PRLR: variants seen among roughly 807,000 people sequenced by gnomAD.
PRLR encodes hPRL receptor.
Under a neutral mutation model 40.2 loss-of-function variants are expected in PRLR, and 13 were observed. The observed-to-expected ratio is 0.32, with a 90% CI of 0.21 to 0.51. The LOEUF (loss-of-function observed/expected upper bound fraction) is 0.51. Among genes scored for constraint, PRLR ranks in the 20% least tolerant of loss-of-function variants. The pLI is 0.97. For synonymous variants in PRLR, 269 were observed against 278.7 expected (o/e 0.97, Z 0.35); for missense variants, 656 against 747.3 (o/e 0.88, Z 1.42).
intron 2 of PRLR, among the ~76,000 whole-genome samples, chr5:35,110,901 C>T (rs570606182): frequency 6.6e-6 from 1 of 152,308 alleles, no homozygotes; most frequent in South Asian, 2.1e-4. Context: ...TCCCTGGGTT[C>T]TCCAAAGCTG....
chr5:35,145,341 A>T (rs1339274101), intron 1 of PRLR, among the ~76,000 whole-genome samples: 1 of 152,218 alleles, frequency 6.6e-6, no homozygotes, highest in African/African-American at 2.4e-5. Flanking sequence ...CCATTAGATG[A>T]ATCATTGCAA....
intron 1 of PRLR, among the ~76,000 whole-genome samples, chr5:35,199,798 A>G (rs1378568542): frequency 6.6e-6 from 1 of 152,208 alleles, no homozygotes; most frequent in Non-Finnish European, 1.5e-5. Flanking sequence ...TATCCTCCAT[A>G]GATTCCAAAT....
At chr5:35,153,986 G>A (rs775737771) in intron 1 of PRLR, among the ~76,000 whole-genome samples, 2 of 152,038 alleles carry the variant, frequency 1.3e-5, no homozygotes, top group African/African-American at 2.4e-5. Flanking sequence ...AAAACCAATC[G>A]CACAAAATAG....
chr5:35,146,871 G>A (rs1774196172), intron 1 of PRLR, among the ~76,000 whole-genome samples: 1 of 152,140 alleles, frequency 6.6e-6, no homozygotes, highest in Non-Finnish European at 1.5e-5. Context: ...TTGCAAATGA[G>A]CTGGAGAAGA....
intron 1 of PRLR, among the ~76,000 whole-genome samples, chr5:35,214,915 G>A (rs1776249808): frequency 6.6e-6 from 1 of 152,140 alleles, no homozygotes; most frequent in Non-Finnish European, 1.5e-5. Context: ...AGGTCAATCT[G>A]GAAAATAGTT....
intron 2 of PRLR, among the ~76,000 whole-genome samples, chr5:35,100,789 C>A (rs1771830477): frequency 1.3e-5 from 2 of 152,322 alleles, no homozygotes; most frequent in African/African-American, 4.8e-5. Flanking sequence ...CTATTTCTCT[C>A]TCCTCCATTA....
intron 2 of PRLR, among the ~76,000 whole-genome samples, chr5:35,093,595 C>T (rs1047812242): frequency 6.6e-6 from 1 of 152,208 alleles, no homozygotes; most frequent in Non-Finnish European, 1.5e-5. Flanking sequence ...CCTGCCATCC[C>T]TGTTAGGCAG....
At chr5:35,075,970 G>A (rs1287095692) in intron 5 of PRLR, among the ~76,000 whole-genome samples, 1 of 152,228 alleles carries the variant, frequency 6.6e-6, no homozygotes, top group African/African-American at 2.4e-5. Flanking sequence ...ACCTGCAGCT[G>A]AGGGTCCTGA....
intron 1 of PRLR, among the ~76,000 whole-genome samples, chr5:35,189,516 G>T (rs375132174): frequency 1.3e-5 from 2 of 152,042 alleles, no homozygotes; most frequent in Admixed American, 6.5e-5. Flanking sequence ...GGGAGGCAGA[G>T]GTTGTAGTGA....
intron 2 of PRLR, among the ~76,000 whole-genome samples, chr5:35,104,067 C>T (rs1270204375): frequency 6.6e-6 from 1 of 151,992 alleles, no homozygotes; most frequent in African/African-American, 2.4e-5. Flanking sequence ...CCGTACAGTT[C>T]AAAAGAGGGG....
chr5:35,195,436 C>T (rs895700651), intron 1 of PRLR: 1 of 152,294 alleles, frequency 6.6e-6, no homozygotes, highest in Admixed American at 6.5e-5. Flanking sequence ...ATTTTTACCA[C>T]CACTGATGCC....
At chr5:35,131,935 T>C (rs564189307) in intron 1 of PRLR, among the ~76,000 whole-genome samples, 2 of 152,264 alleles carry the variant, frequency 1.3e-5, no homozygotes, top group East Asian at 1.9e-4. Flanking sequence ...AATAAGGAGA[T>C]ACAGGACAGA....
intron 1 of PRLR, among the ~76,000 whole-genome samples, chr5:35,133,756 T>G (rs1030081003): frequency 6.6e-6 from 1 of 152,114 alleles, no homozygotes; most frequent in Non-Finnish European, 1.5e-5. Context: ...AACAAACAAA[T>G]GAAGAACCTG....
At chr5:35,147,115 A>C (rs1364442377) in intron 1 of PRLR, among the ~76,000 whole-genome samples, 2 of 152,180 alleles carry the variant, frequency 1.3e-5, no homozygotes, top group African/African-American at 2.4e-5. Flanking sequence ...ATTTTGTCCT[A>C]CCATAGGTAA....
intron 1 of PRLR, among the ~76,000 whole-genome samples, chr5:35,164,570 G>A (rs143702464): frequency 1.3e-5 from 2 of 152,284 alleles, no homozygotes; most frequent in African/African-American, 4.8e-5. Context: ...GAGAAATGGA[G>A]TCTGGTATAA....
chr5:35,057,579 A>G lies in PRLR; in HGVS notation c.*7510T>C, dbSNP rs1768794084. On this transcript the variant is annotated 3_prime_UTR_variant, in exon 10 of 10. Coordinates refer to ENST00000618457, the MANE Select transcript of PRLR (RefSeq NM_000949.7). ...TGTTATGATAATAGCAGTTAGTGTT[A>G]TCTCCAATACTATTGACAAAGATTT... 1 of 152,148 alleles carries G rather than the reference A, an allele frequency of 6.6e-6. No individual in the cohort carries two copies. Among genetic ancestry groups the G allele is most frequent in the South Asian group, 2.1e-4 (1 of 4,834 alleles). The allele number at this position is 152,148 out of a possible 1,614,324, so 9.4% of individuals were successfully genotyped here.
At chr5:35,163,294 T>C (rs1774730096) in intron 1 of PRLR, among the ~76,000 whole-genome samples, 1 of 152,216 alleles carries the variant, frequency 6.6e-6, no homozygotes, top group Admixed American at 6.5e-5. Flanking sequence ...ACCTGGCTCT[T>C]CGCTGAACTA....
rs912207292 is a variant in PRLR at position 35,137,839 on chromosome 5, G to A, written c.-105-19717C>T. Reference sequence around the variant, plus strand: ...AGGCAGGAGAATCGCTTGAACTCGGGAAGCAGATTCGCTTGAACCCGGGAA... The same window carrying A: ...AGGCAGGAGAATCGCTTGAACTCGGAAAGCAGATTCGCTTGAACCCGGGAA... On this transcript the variant is annotated intron_variant, in intron 1 of 9. Transcript: ENST00000618457. Among the ~76,000 whole-genome samples, 3 of 152,154 alleles carry A rather than the reference G, an allele frequency of 2.0e-5. No individual in the cohort carries two copies. In the South Asian group the frequency reaches 6.2e-4, roughly 32 times the overall value.
At chr5:35,148,948 T>C (rs1774263365) in intron 1 of PRLR, among the ~76,000 whole-genome samples, 1 of 152,042 alleles carries the variant, frequency 6.6e-6, no homozygotes. Context: ...AATATATATA[T>C]ACACAAAAAT....
Sources: gnomAD v4.1 joint callset for allele counts (sites outside exome capture counted in the v4.1 genomes callset) on GRCh38, gnomAD v4.1.1 for gene constraint, MANE v1.5 for transcripts, NCBI Gene and HGNC (gene_info 2026-07-23, HGNC 2026-07-21) for gene names.